The following UNC5D variants were observed in gnomAD, a reference collection of about 807,000 sequenced individuals.
The protein encoded by UNC5D is netrin receptor UNC5D.
A neutral mutation model predicts 105.4 loss-of-function variants in UNC5D; 39 were observed. The ratio of observed to expected loss-of-function variants is 0.37; its 90% CI spans 0.29 to 0.48. The LOEUF is 0.48. Among genes scored for constraint, UNC5D ranks in the 20% least tolerant of loss-of-function variants. UNC5D has a pLI of 0.98. For missense variants in UNC5D, 991 were observed against 1,202.4 expected, an observed-to-expected ratio of 0.82 and a Z score of 2.60; for synonymous variants, 452 against 450.4, an observed-to-expected ratio of 1.00 and a Z score of -0.04.
At chr8:35,667,113 T>A (rs993394546) in intron 4 of UNC5D, among the ~76,000 whole-genome samples, 5 of 152,166 alleles carry the variant, frequency 3.3e-5, no homozygotes, top group Non-Finnish European at 5.9e-5. Context: ...CTTTAGACTT[T>A]TTTTTTCAAA....
At chr8:35,378,801 G>C (rs1363599999) in intron 1 of UNC5D, among the ~76,000 whole-genome samples, 2 of 152,214 alleles carry the variant, frequency 1.3e-5, no homozygotes, top group Non-Finnish European at 2.9e-5. Context: ...GCCTAACAGG[G>C]TGCAGGATGG....
intron 1 of UNC5D, among the ~76,000 whole-genome samples, chr8:35,437,793 C>A (rs1328712434): frequency 6.6e-6 from 1 of 151,416 alleles, no homozygotes; most frequent in South Asian, 2.1e-4. Context: ...AGTACCTTTT[C>A]TGCGAGAAAT....
intron 7 of UNC5D, among the ~76,000 whole-genome samples, chr8:35,690,573 C>T (rs1826323977): frequency 1.3e-5 from 2 of 152,156 alleles, no homozygotes; most frequent in South Asian, 2.1e-4. Flanking sequence ...GAGCCATGAT[C>T]GTGCTATTGC....
intron 1 of UNC5D, among the ~76,000 whole-genome samples, chr8:35,473,461 C>G (rs551747574): frequency 2.6e-5 from 4 of 152,240 alleles, no homozygotes; most frequent in Non-Finnish European, 4.4e-5. Context: ...CCCTCACACA[C>G]TTTTTTCTCA....
intron 1 of UNC5D, among the ~76,000 whole-genome samples, chr8:35,374,630 G>C (rs1461587224): frequency 1.3e-5 from 2 of 152,114 alleles, no homozygotes; most frequent in African/African-American, 4.8e-5. Flanking sequence ...ATTTGTTACT[G>C]TCTCAAAAGG....
At chr8:35,614,130 C>T (rs1820864885) in intron 4 of UNC5D, among the ~76,000 whole-genome samples, 2 of 152,324 alleles carry the variant, frequency 1.3e-5, no homozygotes, top group South Asian at 4.1e-4. Context: ...TCTGCCCAGA[C>T]TGGTGCCAGA....
At chr8:35,515,646 C>T (rs529460028) in intron 1 of UNC5D, among the ~76,000 whole-genome samples, 94 of 152,322 alleles carry the variant, frequency 6.2e-4, no homozygotes, top group Non-Finnish European at 7.3e-4. Context: ...GATCGTGCCA[C>T]TGCACTGCAG....
At chr8:35,386,415 G>C (rs1278694505) in intron 1 of UNC5D, among the ~76,000 whole-genome samples, 1 of 152,058 alleles carries the variant, frequency 6.6e-6, no homozygotes, top group Non-Finnish European at 1.5e-5. Flanking sequence ...CTTTCTAAAA[G>C]TACCTTATTG....
intron 1 of UNC5D, among the ~76,000 whole-genome samples, chr8:35,325,074 A>C (rs1229154582): frequency 5.3e-5 from 8 of 152,170 alleles, no homozygotes; most frequent in African/African-American, 1.9e-4. Flanking sequence ...CCAACAAAAA[A>C]CTGAAATTGG....
intron 1 of UNC5D, among the ~76,000 whole-genome samples, chr8:35,326,508 G>A (rs965788820): frequency 2.6e-5 from 4 of 152,256 alleles, no homozygotes; most frequent in South Asian, 2.1e-4. Flanking sequence ...TCATCGCAGC[G>A]CTTTGGGAGG....
rs146468326 is a variant in UNC5D at position 35,677,375 on chromosome 8, T to A, written c.571-6172T>A. Reference sequence around the variant, plus strand: ...CTTGTCTTTAACATGCAAGCAGTGCTCGTGGGGGTCTCGTACCCAGCACCA... The same window carrying A: ...CTTGTCTTTAACATGCAAGCAGTGCACGTGGGGGTCTCGTACCCAGCACCA... On this transcript the variant is annotated intron_variant, in intron 4 of 16. Coordinates refer to ENST00000404895, the MANE Select transcript of UNC5D (RefSeq NM_080872.4). Among the ~76,000 whole-genome samples the A allele has an allele frequency of 5.0e-3, 767 of 152,284 alleles. 9 individuals carry two copies. Among genetic ancestry groups the A allele is most frequent in the African/African-American group, 0.018 (738 of 41,550 alleles).
At chr8:35,466,864 T>C (rs1223496813) in intron 1 of UNC5D, among the ~76,000 whole-genome samples, 1 of 152,172 alleles carries the variant, frequency 6.6e-6, no homozygotes, top group Non-Finnish European at 1.5e-5. Context: ...AGGCCAATGG[T>C]GGATTGTGTT....
intron 4 of UNC5D, among the ~76,000 whole-genome samples, chr8:35,644,875 A>G (rs1348361730): frequency 1.3e-5 from 2 of 152,284 alleles, no homozygotes; most frequent in South Asian, 2.1e-4. Flanking sequence ...GACACATATC[A>G]AAAAGTGAGA....
intron 1 of UNC5D, among the ~76,000 whole-genome samples, chr8:35,423,819 A>G (rs1806068485): frequency 6.6e-6 from 1 of 151,540 alleles, no homozygotes; most frequent in African/African-American, 2.4e-5. Flanking sequence ...ATAATAGAAG[A>G]GTTTGTAAAC....
At chr8:35,300,444 C>T (rs1585530662) in intron 1 of UNC5D, among the ~76,000 whole-genome samples, 1 of 64,128 alleles carries the variant, frequency 1.6e-5, no homozygotes, top group East Asian at 3.9e-4. Context: ...GAGACTCCCT[C>T]TCAAAAAAAA....
intron 4 of UNC5D, among the ~76,000 whole-genome samples, chr8:35,630,536 A>G (rs143831672): frequency 1.3e-3 from 193 of 152,312 alleles, no homozygotes; most frequent in Admixed American, 4.4e-3. Context: ...ATTTCAAGCC[A>G]AGAATATTGT....
At chr8:35,732,569 G>A (rs1447641674) in intron 11 of UNC5D, among the ~76,000 whole-genome samples, 1 of 152,044 alleles carries the variant, frequency 6.6e-6, no homozygotes, top group Non-Finnish European at 1.5e-5. Flanking sequence ...TACCCATTAG[G>A]TTGATTTACT....
intron 1 of UNC5D, among the ~76,000 whole-genome samples, chr8:35,371,507 T>C (rs1195806653): frequency 6.6e-6 from 1 of 152,166 alleles, no homozygotes; most frequent in Non-Finnish European, 1.5e-5. Flanking sequence ...TAGAGAATTA[T>C]GACTAGATAT....
chr8:35,736,959 A>C (rs953787192), intron 11 of UNC5D, among the ~76,000 whole-genome samples: 1 of 152,148 alleles, frequency 6.6e-6, no homozygotes, highest in African/African-American at 2.4e-5. Context: ...CTTATATTTT[A>C]GATAGATTCT....
Sources: gnomAD v4.1 joint callset for allele counts (sites outside exome capture counted in the v4.1 genomes callset) on GRCh38, gnomAD v4.1.1 for gene constraint, MANE v1.5 for transcripts, NCBI Gene and HGNC (gene_info 2026-07-23, HGNC 2026-07-21) for gene names.